ARFGEF3: variants seen among roughly 807,000 people sequenced by gnomAD.
The protein encoded by ARFGEF3 is brefeldin A-inhibited guanine nucleotide-exchange protein 3.
A neutral mutation model predicts 221.7 loss-of-function variants in ARFGEF3; 96 were observed. That is an observed-to-expected ratio of 0.43 (90% CI 0.37 to 0.51). The LOEUF (loss-of-function observed/expected upper bound fraction) is 0.51. Ranked by LOEUF, ARFGEF3 falls within the 20% of genes least tolerant of loss-of-function variation. ARFGEF3 has a pLI of 0.00. For synonymous variants in ARFGEF3, 1,145 were observed against 1,126.8 expected (o/e 1.02, Z -0.32); for missense variants, 2,410 against 2,789.9 (o/e 0.86, Z 3.07).
intron 32 of ARFGEF3, among the ~76,000 whole-genome samples, chr6:138,331,416 T>C (rs1780225059): frequency 6.6e-6 from 1 of 152,226 alleles, no homozygotes; most frequent in Non-Finnish European, 1.5e-5. Context: ...TAGGATGTAG[T>C]GGAAGATGAG....
intron 2 of ARFGEF3, among the ~76,000 whole-genome samples, chr6:138,183,493 C>G (rs966788389): frequency 2.0e-5 from 3 of 151,974 alleles, no homozygotes; most frequent in Admixed American, 6.6e-5. Flanking sequence ...ACGTCTGTAT[C>G]GGAGGGGTCT....
chr6:138,259,348 T>G (rs760718095), intron 10 of ARFGEF3, among the ~76,000 whole-genome samples: 1 of 152,214 alleles, frequency 6.6e-6, no homozygotes, highest in Non-Finnish European at 1.5e-5. Flanking sequence ...TACAGGACAT[T>G]TTTGTTTTTC....
At chr6:138,240,679 C>T (rs1383389481) in intron 6 of ARFGEF3, among the ~76,000 whole-genome samples, 4 of 152,294 alleles carry the variant, frequency 2.6e-5, no homozygotes, top group African/African-American at 7.2e-5. Context: ...TTCTATTACT[C>T]ATGCGGTCCC....
At chr6:138,252,560 C>T (rs1023367634) in intron 8 of ARFGEF3, among the ~76,000 whole-genome samples, 10 of 152,104 alleles carry the variant, frequency 6.6e-5, no homozygotes, top group African/African-American at 2.4e-4. Flanking sequence ...CTTTTCTTTA[C>T]TTCCTTCCTA....
At chr6:138,319,056 C>T (rs1469659621) in intron 27 of ARFGEF3, among the ~76,000 whole-genome samples, 2 of 150,992 alleles carry the variant, frequency 1.3e-5, no homozygotes, top group South Asian at 2.1e-4. Context: ...TGGGCTCAAG[C>T]GATCCTTCCA....
At chr6:138,265,039 G>A (rs1404421650) in intron 12 of ARFGEF3, among the ~76,000 whole-genome samples, 1 of 151,790 alleles carries the variant, frequency 6.6e-6, no homozygotes. Context: ...AAGTAGCTGG[G>A]ACTACAGGCG....
intron 32 of ARFGEF3, among the ~76,000 whole-genome samples, chr6:138,329,421 T>G (rs1450823407): frequency 6.6e-6 from 1 of 152,042 alleles, no homozygotes; most frequent in African/African-American, 2.4e-5. Flanking sequence ...TCCGAGCACT[T>G]TAGGACCCAA....
chr6:138,188,305 T>A (rs1047674618), intron 2 of ARFGEF3, among the ~76,000 whole-genome samples: 2 of 152,120 alleles, frequency 1.3e-5, no homozygotes, highest in African/African-American at 2.4e-5. Flanking sequence ...CAGACTTAGG[T>A]TCCCCCCCTC....
chr6:138,328,649 C>A (rs984833987), intron 32 of ARFGEF3, among the ~76,000 whole-genome samples: 20 of 152,022 alleles, frequency 1.3e-4, no homozygotes, highest in African/African-American at 4.8e-4. Context: ...GGGGTTAGGA[C>A]TTCAACATAG....
At position 138,324,865 on chromosome 6, in the gene ARFGEF3, A is replaced by G. The variant is rs150018969; in HGVS notation, c.5001+711A>G. 3.5e-3 allele frequency among the ~76,000 whole-genome samples: 528 copies of G among 152,370 alleles called. 4 individuals carry two copies. The highest frequency in any genetic ancestry group is 0.012 in the African/African-American group (498 of 41,590). ...CAGATATACCCTAAGCTCTTAAGTGACATGGCAGTCTGCCGCTAGGAAACC... is the reference window on the plus strand; with the variant it reads ...CAGATATACCCTAAGCTCTTAAGTGGCATGGCAGTCTGCCGCTAGGAAACC... On this transcript the variant is annotated intron_variant, in intron 31 of 33. Transcript: ENST00000251691.
intron 17 of ARFGEF3, 135 bp from the exon 18 acceptor site, chr6:138,289,683 C>T: frequency 1.1e-6 from 1 of 894,442 alleles, no homozygotes; most frequent in Non-Finnish European, 1.8e-6. Context: ...CCGCAAGGAC[C>T]TACTGTGGAG....
chr6:138,168,680 A>G (rs74328492), intron 1 of ARFGEF3, among the ~76,000 whole-genome samples: 4,217 of 152,290 alleles, frequency 0.028, 88 homozygotes, highest in African/African-American at 0.056. Context: ...GAAGATGTTG[A>G]GATTCTCCAA....
intron 22 of ARFGEF3, among the ~76,000 whole-genome samples, chr6:138,300,929 T>G (rs1779618339): frequency 6.6e-6 from 1 of 152,256 alleles, no homozygotes; most frequent in African/African-American, 2.4e-5. Flanking sequence ...ATTCTATTAA[T>G]AATCTTCAAA....
In ARFGEF3 at chr6:138,255,510, C is replaced by G. The variant is rs764717239; in HGVS notation, c.845C>G (p.Thr282Ser). The G allele has an allele frequency of 6.2e-7, 1 of 1,614,054 alleles. No individual in the cohort carries two copies. Among genetic ancestry groups the G allele is most frequent in the Non-Finnish European group, 8.5e-7 (1 of 1,179,896 alleles). ...IHDKTITSAHTSSTSTSLESD... is the reference protein window; with the variant it reads ...IHDKTITSAHSSSTSTSLESD... ...GACAAAACCATCACCTCTGCTCACA[C>G]CAGCAGCACCAGTACCAGCCTGGAG... Residue 282 changes from threonine (T) to serine (S), a missense_variant, in exon 10 of 34, where the codon ACC becomes AGC. Thr to Ser is a moderately conservative substitution (Grantham distance 58, BLOSUM62 1). Around this residue, in one of 5 missense-constraint regions of ARFGEF3, gnomAD observed 570 missense variants for 586.9 expected, o/e 0.97. Coordinates refer to ENST00000251691, the MANE Select transcript of ARFGEF3 (RefSeq NM_020340.5).
chr6:138,285,919 G>A lies in ARFGEF3; in HGVS notation c.2462-27G>A, dbSNP rs760164143. On this transcript the variant is annotated intron_variant, in intron 14 of 33. Coordinates refer to ENST00000251691, the MANE Select transcript of ARFGEF3 (RefSeq NM_020340.5). ...TTTTGACTGGAGTGTTTTATTTAGG[G>A]AAAACTTCTTTCTTTTTCCTTGACA... 1.6e-5 allele frequency: 24 copies of A among 1,480,314 alleles called. 1 individual carries two copies. The South Asian group carries it at 2.7e-4, about 17-fold the overall frequency. 91.7% of individuals were successfully genotyped at this position (1,480,314 alleles called of 1,614,324 possible). A position where few individuals can be genotyped will look rare whatever the true frequency, so the allele number is the denominator to read the frequency against.
intron 4 of ARFGEF3, among the ~76,000 whole-genome samples, chr6:138,210,874 C>T (rs1034243633): frequency 1.3e-5 from 2 of 152,186 alleles, no homozygotes; most frequent in African/African-American, 2.4e-5. Context: ...CTACACTTCT[C>T]CTGGTTTCAG....
intron 2 of ARFGEF3, among the ~76,000 whole-genome samples, chr6:138,173,701 T>C (rs1776884313): frequency 6.6e-6 from 1 of 152,186 alleles, no homozygotes; most frequent in African/African-American, 2.4e-5. Flanking sequence ...CTCCTTTTAC[T>C]CATTTGGCTT....
intron 2 of ARFGEF3, among the ~76,000 whole-genome samples, chr6:138,181,185 G>A (rs1777073014): frequency 1.3e-5 from 2 of 152,054 alleles, no homozygotes; most frequent in Admixed American, 6.5e-5. Context: ...AAGTGATGCA[G>A]TCATCACTTA....
At position 138,170,643 on chromosome 6, in the gene ARFGEF3, T is replaced by C. The variant is rs1195303735; in HGVS notation, c.86-19T>C. 2 of 1,426,878 alleles carry C rather than the reference T, an allele frequency of 1.4e-6. No homozygotes were observed. Among genetic ancestry groups the C allele is most frequent in the Admixed American group, 1.7e-5 (1 of 58,794 alleles). 88.4% of individuals were successfully genotyped at this position (1,426,878 alleles called of 1,614,324 possible). The stretch of plus-strand genomic sequence containing the variant: ...AGTGTTTAAATATTTATTTTAACTT[T>C]GTAATTTTTCTTTTGCAGAAACTCT... On this transcript the variant is annotated intron_variant, in intron 1 of 33. Transcript: ENST00000251691.
Sources: gnomAD v4.1 joint callset for allele counts (sites outside exome capture counted in the v4.1 genomes callset) on GRCh38, gnomAD v4.1.1 for gene constraint, gnomAD v4.1.1 regional missense constraint, MANE v1.5 for transcripts, NCBI Gene and HGNC (gene_info 2026-07-23, HGNC 2026-07-21) for gene names.